Variants in TUSC3 observed in about 807,000 individuals in gnomAD.
The protein encoded by TUSC3 is tumor suppressor candidate 3.
A neutral mutation model predicts 44.8 loss-of-function variants in TUSC3; 45 were observed. That is an observed-to-expected ratio of 1.00 (90% CI 0.79 to 1.29). The LOEUF (loss-of-function observed/expected upper bound fraction) is 1.29. Ranked by LOEUF, TUSC3 falls within the 50% of genes most tolerant of loss-of-function variation. The pLI is 0.00. For missense variants in TUSC3, 519 were observed against 437.9 expected (o/e 1.19, Z -1.65); for synonymous variants, 212 against 152.9 (o/e 1.39, Z -2.85).
the TUSC3 span, among the ~76,000 whole-genome samples, chr8:15,838,949 A>C: frequency 6.6e-6 from 1 of 152,158 alleles, no homozygotes; most frequent in South Asian, 2.1e-4. Context: ...TACCTTGGGC[A>C]GTATGGCCAT....
intron 1 of TUSC3, among the ~76,000 whole-genome samples, chr8:15,565,842 G>A (rs931741885): frequency 2.0e-5 from 3 of 152,084 alleles, no homozygotes; most frequent in African/African-American, 4.8e-5. Flanking sequence ...GGATGACTGT[G>A]TGGTACAGTC....
chr8:15,811,398 G>C, the TUSC3 span, among the ~76,000 whole-genome samples: 1 of 152,132 alleles, frequency 6.6e-6, no homozygotes, highest in Non-Finnish European at 1.5e-5. Flanking sequence ...GATCATAAGA[G>C]AAAGACCCAG....
intron 1 of TUSC3, among the ~76,000 whole-genome samples, chr8:15,468,886 G>A (rs1563259195): frequency 1.3e-5 from 2 of 151,446 alleles, no homozygotes; most frequent in Non-Finnish European, 2.9e-5. Context: ...TAATAAAAAG[G>A]AATAATCTGA....
At chr8:15,479,255 T>C (rs1800626128) in intron 1 of TUSC3, among the ~76,000 whole-genome samples, 1 of 152,212 alleles carries the variant, frequency 6.6e-6, no homozygotes, top group South Asian at 2.1e-4. Flanking sequence ...CTGATGATAG[T>C]TTCTTTTGCT....
At chr8:15,566,309 G>C (rs1344052625) in intron 1 of TUSC3, among the ~76,000 whole-genome samples, 23 of 152,250 alleles carry the variant, frequency 1.5e-4, no homozygotes, top group Admixed American at 1.5e-3. Flanking sequence ...TTCATCATCA[G>C]CTTTATTAAT....
intron 7 of TUSC3, among the ~76,000 whole-genome samples, chr8:15,736,211 T>A (rs2721219): frequency 0.68 from 103,303 of 151,982 alleles, 35,440 homozygotes; most frequent in Admixed American, 0.71. Flanking sequence ...GCATTTACAG[T>A]CTAAAGGAAG....
intron 1 of TUSC3, among the ~76,000 whole-genome samples, chr8:15,417,858 C>T (rs1200343426): frequency 2.6e-5 from 4 of 152,012 alleles, no homozygotes; most frequent in African/African-American, 9.7e-5. Context: ...CTTTCACTCT[C>T]AGTATGGAGC....
the TUSC3 span, among the ~76,000 whole-genome samples, chr8:15,843,717 A>ATG: frequency 5.9e-5 from 9 of 151,532 alleles, no homozygotes; most frequent in Middle Eastern, 3.4e-3. Context: ...TAAGATGTAT[A>ATG]TGTATGTGTG....
At chr8:15,849,799 T>G in the TUSC3 span, among the ~76,000 whole-genome samples, 3 of 103,952 alleles carry the variant, frequency 2.9e-5, no homozygotes, top group Non-Finnish European at 6.9e-5. Flanking sequence ...TTCTGTTAGG[T>G]TGAAGCCTAC....
intron 1 of TUSC3, among the ~76,000 whole-genome samples, chr8:15,456,926 T>G (rs1800264061): frequency 6.6e-6 from 1 of 152,126 alleles, no homozygotes; most frequent in South Asian, 2.1e-4. Context: ...TTAAGAACAC[T>G]TATTCATCAA....
intron 6 of TUSC3, among the ~76,000 whole-genome samples, chr8:15,704,122 C>T (rs12680995): frequency 0.83 from 125,555 of 151,974 alleles, 52,328 homozygotes; most frequent in Non-Finnish European, 0.88. Flanking sequence ...CTTTTTTATA[C>T]AGGGTTCTGA....
At chr8:15,835,708 T>C in the TUSC3 span, among the ~76,000 whole-genome samples, 2 of 152,194 alleles carry the variant, frequency 1.3e-5, no homozygotes, top group African/African-American at 4.8e-5. Flanking sequence ...GGAGAGAAGA[T>C]ACAGTCTCTA....
Position 15,490,978 on chromosome 8 carries a change from C to G in TUSC3, n.189+7495C>G, listed in dbSNP as rs186637626. Among the ~76,000 whole-genome samples, 9 of 152,258 alleles carry G rather than the reference C, an allele frequency of 5.9e-5. No individual in the cohort carries two copies. In the East Asian group the frequency reaches 1.5e-3, roughly 26 times the overall value. The stretch of plus-strand genomic sequence containing the variant: ...CTTCCAAAGAGGGTCTGGGGCCCCC[C>G]CAATCTTTAAAGAGAAAAGAGAGGA... On this transcript the variant is annotated intron_variant and non_coding_transcript_variant, in intron 2 of 5. Coordinates refer to the TUSC3 transcript ENST00000503191.
intron 6 of TUSC3, among the ~76,000 whole-genome samples, chr8:15,682,174 A>G (rs1289050193): frequency 6.6e-6 from 1 of 152,124 alleles, no homozygotes; most frequent in Non-Finnish European, 1.5e-5. Context: ...GATGTCAGTT[A>G]GGTCCATTGC....
the TUSC3 span, among the ~76,000 whole-genome samples, chr8:15,814,054 G>C: frequency 6.6e-6 from 1 of 152,214 alleles, no homozygotes; most frequent in Non-Finnish European, 1.5e-5. Context: ...CTGCCTGGAT[G>C]TAGAGTACTT....
chr8:15,629,624 T>G (rs1353269368), intron 2 of TUSC3, among the ~76,000 whole-genome samples: 1 of 151,026 alleles, frequency 6.6e-6, no homozygotes, highest in Admixed American at 6.6e-5. Context: ...TTGGACCACT[T>G]CTGTAACACT....
chr8:15,743,611 G>T lies in TUSC3; in HGVS notation c.936G>T (p.Arg312=). 1 of 1,613,924 alleles carries T rather than the reference G, an allele frequency of 6.2e-7. No individual in the cohort carries two copies. The highest frequency in any genetic ancestry group is 8.5e-7 in the Non-Finnish European group (1 of 1,179,840). ...ATSKGDVGKR[R]IICLVGLGLV... ...CGAAAGGCGATGTTGGAAAAAGACG[G>T]AGTAAGTCTCTGTGTTGCCATTTTT... The change falls in exon 8 of 11, where the codon CGG becomes CGT. Residue 312 remains arginine (R), a splice_region_variant and synonymous_variant. Transcript: ENST00000503731.
At chr8:15,573,990 T>G (rs1585115461) in intron 1 of TUSC3, among the ~76,000 whole-genome samples, 1 of 152,186 alleles carries the variant, frequency 6.6e-6, no homozygotes, top group Non-Finnish European at 1.5e-5. Context: ...TAGGTAATTT[T>G]AGGCACTTCC....
chr8:15,631,773 A>G (rs563331208), intron 2 of TUSC3, among the ~76,000 whole-genome samples: 2 of 151,680 alleles, frequency 1.3e-5, no homozygotes, highest in African/African-American at 4.8e-5. Context: ...TGGCGCGATC[A>G]TGGCTCACTA....
Sources: gnomAD v4.1 joint callset for allele counts (sites outside exome capture counted in the v4.1 genomes callset) on GRCh38, gnomAD v4.1.1 for gene constraint, MANE v1.5 for transcripts, NCBI Gene and HGNC (gene_info 2026-07-23, HGNC 2026-07-21) for gene names.